The following GLCE variants were observed in gnomAD, a reference collection of about 807,000 sequenced individuals.
GLCE encodes the protein D-glucuronyl C5-epimerase.
In GLCE, 19 loss-of-function variants were observed where a neutral mutation model predicts 47.9. The observed-to-expected ratio is 0.40, with a 90% CI of 0.28 to 0.58. The LOEUF (loss-of-function observed/expected upper bound fraction) is 0.58. Among genes scored for constraint, GLCE ranks in the 20% least tolerant of loss-of-function variants. The pLI is 0.48. For missense variants in GLCE, 556 were observed against 743.3 expected, an observed-to-expected ratio of 0.75 and a Z score of 2.93; for synonymous variants, 245 against 263.4, an observed-to-expected ratio of 0.93 and a Z score of 0.68.
At chr15:69,190,468 C>G (rs988569609) in intron 1 of GLCE, among the ~76,000 whole-genome samples, 1 of 152,048 alleles carries the variant, frequency 6.6e-6, no homozygotes, top group African/African-American at 2.4e-5. Flanking sequence ...TTTTGAAGCT[C>G]TGTTACTAGC....
Position 69,176,484 on chromosome 15 carries a change from A to G in GLCE, c.-105+15727A>G, listed in dbSNP as rs561038674. On this transcript the variant is annotated intron_variant, in intron 1 of 4. Transcript: ENST00000261858. ...GATGATCTGCCCACCTCAGCCACCC[A>G]AAGTACTGGGATTACAGGCATGCGT... Among the ~76,000 whole-genome samples the G allele has an allele frequency of 1.6e-3, 243 of 152,160 alleles. 1 individual carries two copies. Among genetic ancestry groups the G allele is most frequent in the African/African-American group, 5.6e-3 (231 of 41,530 alleles).
intron 2 of GLCE, among the ~76,000 whole-genome samples, chr15:69,223,353 G>T (rs1290915053): frequency 2.6e-5 from 4 of 151,796 alleles, no homozygotes; most frequent in Non-Finnish European, 4.4e-5. Context: ...AGATTTTTTT[G>T]TTTGTTTGTT....
At chr15:69,246,060 C>T (rs1457194612) in intron 2 of GLCE, among the ~76,000 whole-genome samples, 1 of 152,138 alleles carries the variant, frequency 6.6e-6, no homozygotes, top group Admixed American at 6.5e-5. Flanking sequence ...GGCATCTTCA[C>T]CGGGTGTAGA....
chr15:69,253,482 G>A (rs1179703553), intron 2 of GLCE, among the ~76,000 whole-genome samples: 11 of 152,308 alleles, frequency 7.2e-5, no homozygotes, highest in Non-Finnish European at 1.6e-4. Flanking sequence ...TCCCTTAAAT[G>A]TGAATGAGTA....
chr15:69,174,611 A>AAAAAC (rs142688156), intron 1 of GLCE, among the ~76,000 whole-genome samples: 2,512 of 152,184 alleles, frequency 0.017, 57 homozygotes, highest in African/African-American at 0.05. Context: ...ACTATGTCTA[A>AAAAAC]AAAACAAAAC....
At chr15:69,235,740 C>A (rs2052587863) in intron 2 of GLCE, among the ~76,000 whole-genome samples, 1 of 152,116 alleles carries the variant, frequency 6.6e-6, no homozygotes, top group African/African-American at 2.4e-5. Context: ...ATTTTCATAG[C>A]ATTTATTACT....
rs1421046767 is a variant in GLCE, at chr15:69,270,407, A to G, written c.*1163A>G. On this transcript the variant is annotated 3_prime_UTR_variant, in exon 5 of 5. Coordinates refer to ENST00000261858, the MANE Select transcript of GLCE (RefSeq NM_015554.3). The stretch of plus-strand genomic sequence containing the variant: ...TGTGTAATCAGATCTTTATTTAGGT[A>G]TACATATCCTCCTATACCGCACATA... The G allele has an allele frequency of 6.6e-6, 1 of 152,076 alleles. No homozygotes were observed. Among genetic ancestry groups the G allele is most frequent in the Non-Finnish European group, 1.5e-5 (1 of 68,002 alleles). The allele number at this position is 152,076 out of a possible 1,614,324, so 9.4% of individuals were successfully genotyped here.
Position 69,268,955 on chromosome 15 carries a change from T to A in GLCE, c.1565T>A (p.Leu522Ter). Residue 522 changes from leucine (L) to a stop codon, truncating the protein, a stop_gained, in exon 5 of 5, where the codon TTA (leucine) becomes TAA (stop). Coordinates refer to ENST00000261858, the MANE Select transcript of GLCE (RefSeq NM_015554.3). LOFTEE classifies it high-confidence loss of function. ...TATTCTTTAATTGGGCTGTATGACT[T>A]AAAAGAAACTGCAGGGGAAAAACTC... is the stretch of plus-strand genomic sequence containing the variant. ...FMYSLIGLYD[L>*]KETAGEKLGK... is the part of the protein sequence containing the mutation. The A allele has an allele frequency of 6.2e-7, 1 of 1,614,200 alleles. No individual in the cohort carries two copies. Among genetic ancestry groups the A allele is most frequent in the Non-Finnish European group, 8.5e-7 (1 of 1,180,034 alleles).
chr15:69,250,529 A>T (rs931545654), intron 2 of GLCE, among the ~76,000 whole-genome samples: 1 of 151,762 alleles, frequency 6.6e-6, no homozygotes, highest in African/African-American at 2.4e-5. Flanking sequence ...TTTTTAAGAG[A>T]CAGGATCTCG....
chr15:69,265,465 T>C (rs2053072365), intron 4 of GLCE, among the ~76,000 whole-genome samples: 1 of 152,140 alleles, frequency 6.6e-6, no homozygotes. Context: ...ATTTGTAAGA[T>C]TGTTGTGAAG....
At chr15:69,173,143 A>G (rs563734376) in intron 1 of GLCE, among the ~76,000 whole-genome samples, 32 of 152,336 alleles carry the variant, frequency 2.1e-4, no homozygotes, top group African/African-American at 7.7e-4. Context: ...ACTTTGAAGC[A>G]TATTGTCCAA....
At chr15:69,193,499 T>C (rs145073201) in intron 1 of GLCE, among the ~76,000 whole-genome samples, 52 of 152,260 alleles carry the variant, frequency 3.4e-4, no homozygotes, top group African/African-American at 1.2e-3. Context: ...TTTTTTCTTA[T>C]TATATTCAGA....
At position 69,268,741 on chromosome 15, in the gene GLCE, A is replaced by G. The variant is rs766449839; in HGVS notation, c.1351A>G (p.Ile451Val). 1 of 1,614,212 alleles carries G rather than the reference A, an allele frequency of 6.2e-7. No homozygotes were observed. The highest frequency in any genetic ancestry group is 8.5e-7 in the Non-Finnish European group (1 of 1,180,030). Reference protein sequence around the residue: ...WYSAMAQGQAISTLVRAYLLT... With the variant: ...WYSAMAQGQAVSTLVRAYLLT... ...TTCTGCCATGGCCCAAGGGCAAGCC[A>G]TTTCTACATTAGTCAGGGCCTATCT... is the stretch of plus-strand genomic sequence containing the variant. Residue 451 changes from isoleucine to valine, a missense_variant, in exon 5 of 5, where the codon ATT becomes GTT. Around this residue, in one of 3 missense-constraint regions of GLCE, gnomAD observed 245 missense variants for 368.1 expected, o/e 0.67. Transcript: ENST00000261858.
chr15:69,262,103 A>G (rs1387090941), intron 4 of GLCE, among the ~76,000 whole-genome samples: 5 of 152,194 alleles, frequency 3.3e-5, no homozygotes, highest in African/African-American at 1.2e-4. Context: ...AAAAGAGAGG[A>G]AAGGTTATAA....
At chr15:69,265,845 G>A (rs1387922055) in intron 4 of GLCE, among the ~76,000 whole-genome samples, 6 of 152,130 alleles carry the variant, frequency 3.9e-5, no homozygotes, top group Admixed American at 3.3e-4. Flanking sequence ...CAGAATAGAC[G>A]TCATAGTTAA....
chr15:69,259,569 A>G (rs1283076082), intron 3 of GLCE, among the ~76,000 whole-genome samples: 1 of 152,156 alleles, frequency 6.6e-6, no homozygotes, highest in Non-Finnish European at 1.5e-5. Context: ...TTTTTCCCCA[A>G]TATGTATTGA....
intron 1 of GLCE, among the ~76,000 whole-genome samples, chr15:69,208,118 C>T (rs2052176561): frequency 6.6e-6 from 1 of 151,870 alleles, no homozygotes; most frequent in East Asian, 1.9e-4. Flanking sequence ...TTAAAGATAC[C>T]TTTCCAGAGC....
chr15:69,207,887 TC>T (rs2052173974), intron 1 of GLCE, among the ~76,000 whole-genome samples: 1 of 152,128 alleles, frequency 6.6e-6, no homozygotes, highest in Non-Finnish European at 1.5e-5. Context: ...TTCCTATTGC[TC>T]TGTATCTTTA....
At chr15:69,163,611 C>T (rs146981253) in intron 1 of GLCE, among the ~76,000 whole-genome samples, 59 of 152,188 alleles carry the variant, frequency 3.9e-4, no homozygotes, top group South Asian at 2.5e-3. Flanking sequence ...GATTGTGCTA[C>T]GTAAGCATAC....
Sources: gnomAD v4.1 joint callset for allele counts (sites outside exome capture counted in the v4.1 genomes callset) on GRCh38, gnomAD v4.1.1 for gene constraint, gnomAD v4.1.1 regional missense constraint, MANE v1.5 for transcripts, NCBI Gene and HGNC (gene_info 2026-07-23, HGNC 2026-07-21) for gene names.